Variants in CD302 observed in about 807,000 individuals in gnomAD.
CD302 encodes the protein CD302 antigen.
In CD302, 23 loss-of-function variants were observed where a neutral mutation model predicts 26.5. The observed-to-expected ratio is 0.87, with a 90% CI of 0.62 to 1.23. CD302 has a LOEUF of 1.23. CD302 is among the 50% of genes most tolerant of loss of function. CD302 has a pLI of 0.00. For missense variants in CD302, 290 were observed against 275.5 expected, an observed-to-expected ratio of 1.05 and a Z score of -0.37; for synonymous variants, 90 against 99.4, an observed-to-expected ratio of 0.91 and a Z score of 0.56.
chr2:159,792,395 G>T (rs931393754), intron 1 of CD302, among the ~76,000 whole-genome samples: 6 of 151,388 alleles, frequency 4.0e-5, no homozygotes, highest in Non-Finnish European at 8.8e-5. Context: ...ATTAGTCAGG[G>T]TTCTCCAGAG....
intron 1 of CD302, among the ~76,000 whole-genome samples, chr2:159,794,741 G>C (rs1240518127): frequency 2.0e-5 from 3 of 150,470 alleles, no homozygotes; most frequent in Admixed American, 6.6e-5. Flanking sequence ...GTAGAGACAG[G>C]GTTTCACCGT....
chr2:159,785,615 C>CT (rs554856778), intron 1 of CD302, among the ~76,000 whole-genome samples: 4 of 152,306 alleles, frequency 2.6e-5, no homozygotes, highest in Non-Finnish European at 5.9e-5. Flanking sequence ...CAGGTAGATC[C>CT]TTTCCCTGAG....
At chr2:159,789,994 G>T (rs1221733014) in intron 1 of CD302, among the ~76,000 whole-genome samples, 1 of 152,146 alleles carries the variant, frequency 6.6e-6, no homozygotes, top group African/African-American at 2.4e-5. Flanking sequence ...GTTCTTAATG[G>T]GAGTGTTAGT....
chr2:159,772,204 TACTA>T, intron 5 of CD302, 151 bp from the exon 6 acceptor site: 1 of 803,494 alleles, frequency 1.2e-6, no homozygotes, highest in Non-Finnish European at 1.9e-6. Context: ...TCGCATTTGT[TACTA>T]ACAAGATTTA....
rs1471447464 is a variant in CD302, at chr2:159,774,763, G to A, written c.497-2710C>T. Among the ~76,000 whole-genome samples, 3 of 152,290 alleles carry A rather than the reference G, an allele frequency of 2.0e-5. No individual in the cohort carries two copies. In the South Asian group the frequency reaches 6.2e-4, roughly 32 times the overall value. On this transcript the variant is annotated intron_variant, in intron 5 of 5. Coordinates refer to ENST00000259053, the MANE Select transcript of CD302 (RefSeq NM_014880.5). ...TGTGCTTGCCACACTAGGTGCATCCGACTATGGACACCTTAATTCTGTTGA... is the reference window on the plus strand; with the variant it reads ...TGTGCTTGCCACACTAGGTGCATCCAACTATGGACACCTTAATTCTGTTGA...
intron 1 of CD302, among the ~76,000 whole-genome samples, chr2:159,790,617 T>G (rs186585755): frequency 6.6e-6 from 1 of 152,218 alleles, no homozygotes; most frequent in Non-Finnish European, 1.5e-5. Flanking sequence ...ATTCTTTCTC[T>G]TCTTTTTTCC....
At chr2:159,791,115 T>C (rs941396739) in intron 1 of CD302, among the ~76,000 whole-genome samples, 2 of 152,214 alleles carry the variant, frequency 1.3e-5, no homozygotes, top group African/African-American at 4.8e-5. Flanking sequence ...AGCCTTATCT[T>C]CCTCTAACCT....
chr2:159,781,990 G>A (rs1708527229), intron 2 of CD302, among the ~76,000 whole-genome samples: 1 of 152,120 alleles, frequency 6.6e-6, no homozygotes, highest in Non-Finnish European at 1.5e-5. Context: ...CTTTAGGCTG[G>A]GCATGGTGGC....
chr2:159,776,291 G>A (rs1211207863), intron 5 of CD302, among the ~76,000 whole-genome samples: 1 of 152,054 alleles, frequency 6.6e-6, no homozygotes. Context: ...CCCTTCATCA[G>A]TGGACACTTG....
At chr2:159,774,361 CTA>C (rs1708247304) in intron 5 of CD302, among the ~76,000 whole-genome samples, 1 of 152,150 alleles carries the variant, frequency 6.6e-6, no homozygotes, top group South Asian at 2.1e-4. Context: ...ATTGTGAAGA[CTA>C]CACATTTTTC....
At chr2:159,794,533 T>A (rs140432929) in intron 1 of CD302, among the ~76,000 whole-genome samples, 88,528 of 149,088 alleles carry the variant, frequency 0.59, 26,691 homozygotes, top group South Asian at 0.75. Flanking sequence ...TTTATTTATT[T>A]ATTTATTTAT....
chr2:159,773,776 A>G (rs754569134), intron 5 of CD302, among the ~76,000 whole-genome samples: 32 of 152,220 alleles, frequency 2.1e-4, no homozygotes, highest in Non-Finnish European at 3.5e-4. Context: ...ACATTAGGAA[A>G]TGTATTATCT....
intron 1 of CD302, among the ~76,000 whole-genome samples, chr2:159,787,481 AT>A (rs557056095): frequency 8.1e-4 from 123 of 150,994 alleles, no homozygotes; most frequent in African/African-American, 2.8e-3. Flanking sequence ...ATATTCTTTA[AT>A]TTTTTTTCTG....
chr2:159,783,310 C>G, intron 2 of CD302, 49 bp downstream of exon 2: 3 of 1,405,430 alleles, frequency 2.1e-6, no homozygotes, highest in Non-Finnish European at 1.9e-6. Flanking sequence ...TTAATGAACA[C>G]TGTTCACTAA....
chr2:159,770,232 A>T lies in CD302; in HGVS notation c.*1619T>A, dbSNP rs1560037348. ...TCAATATTGACATTAGTAATAGTCT[A>T]TCAATAATAAAATAGACATCTCAAT... On this transcript the variant is annotated 3_prime_UTR_variant, in exon 6 of 6. Coordinates refer to ENST00000259053, the MANE Select transcript of CD302 (RefSeq NM_014880.5). 2 of 151,172 alleles carry T rather than the reference A, an allele frequency of 1.3e-5. No individual in the cohort carries two copies. Among genetic ancestry groups the T allele is most frequent in the South Asian group, 2.1e-4 (1 of 4,830 alleles). 9.4% of individuals were successfully genotyped at this position (151,172 alleles called of 1,614,324 possible).
chr2:159,796,365 A>G (rs866290117), intron 1 of CD302, among the ~76,000 whole-genome samples: 4 of 152,172 alleles, frequency 2.6e-5, no homozygotes, highest in Admixed American at 6.5e-5. Flanking sequence ...TCCAATATAC[A>G]TAAGGTGGTA....
At position 159,777,982 on chromosome 2, in the gene CD302, ATAAAAAT is replaced by A; in HGVS notation, c.470-25_470-19del. ...GTATGGGACTAAAATACAAAAGAAA[ATAAAAAT>A]TAGAATTTAATTATGCTTTATTATA... On this transcript the variant is annotated intron_variant, in intron 4 of 5. Coordinates refer to ENST00000259053, the MANE Select transcript of CD302 (RefSeq NM_014880.5). The A allele has an allele frequency of 1.1e-6, 1 of 920,228 alleles. No individual in the cohort carries two copies. The allele number at this position is 920,228 out of a possible 1,614,324, so 57.0% of individuals were successfully genotyped here.
intron 2 of CD302, among the ~76,000 whole-genome samples, 191 bp downstream of exon 2, chr2:159,783,168 T>C (rs959500764): frequency 6.6e-6 from 1 of 152,236 alleles, no homozygotes; most frequent in African/African-American, 2.4e-5. Flanking sequence ...CCAACAACTG[T>C]CTTCCAACTC....
chr2:159,785,340 T>C (rs993216345), intron 1 of CD302, among the ~76,000 whole-genome samples: 1 of 152,124 alleles, frequency 6.6e-6, no homozygotes, highest in Non-Finnish European at 1.5e-5. Flanking sequence ...GAATTACACA[T>C]ATGACTACCT....
Sources: gnomAD v4.1 joint callset for allele counts (sites outside exome capture counted in the v4.1 genomes callset) on GRCh38, gnomAD v4.1.1 for gene constraint, MANE v1.5 for transcripts, NCBI Gene and HGNC (gene_info 2026-07-23, HGNC 2026-07-21) for gene names.